CARD10: variants seen among roughly 807,000 people sequenced by gnomAD.
CARD10 encodes caspase recruitment domain family member 10.
A neutral mutation model predicts 114.6 loss-of-function variants in CARD10; 49 were observed. The ratio of observed to expected loss-of-function variants is 0.43; its 90% CI spans 0.34 to 0.54. The LOEUF is 0.54. Ranked by LOEUF, CARD10 falls within the 20% of genes least tolerant of loss-of-function variation. The probability of loss-of-function intolerance (pLI) is 0.03; values close to 1 mark genes in which losing one functional copy is unlikely to be tolerated. For missense variants in CARD10, 1,206 were observed against 1,397.2 expected, an observed-to-expected ratio of 0.86 and a Z score of 2.18; for synonymous variants, 602 against 593.2, an observed-to-expected ratio of 1.01 and a Z score of -0.21.
At chr22:37,513,781 A>G (rs1387678432) in intron 3 of CARD10, among the ~76,000 whole-genome samples, 1 of 152,190 alleles carries the variant, frequency 6.6e-6, no homozygotes, top group African/African-American at 2.4e-5. Flanking sequence ...ACCGCCCCTC[A>G]GCAGTGCTGA....
chr22:37,491,365 C>T lies in CARD10; in HGVS notation c.2893G>A (p.Asp965Asn). Reference sequence around the variant, plus strand: ...CGGCACTGCCGCAGCAGCTCTGAGTCCCGCCAGCCCGGCCGGCCCAGCAGA... The same window carrying T: ...CGGCACTGCCGCAGCAGCTCTGAGTTCCGCCAGCCCGGCCGGCCCAGCAGA... ...RGLLGRPGWRDSELLRQCRGS... is the reference protein window; with the variant it reads ...RGLLGRPGWRNSELLRQCRGS... Residue 965 changes from aspartate to asparagine, a missense_variant, in exon 20 of 20, where the codon GAC (aspartate) becomes AAC (asparagine). Transcript: ENST00000251973. 1 of 1,511,968 alleles carries T rather than the reference C, an allele frequency of 6.6e-7. No homozygotes were observed. Among genetic ancestry groups the T allele is most frequent in the Non-Finnish European group, 8.8e-7 (1 of 1,131,172 alleles). The allele number at this position is 1,511,968 out of a possible 1,614,324, so 93.7% of individuals were successfully genotyped here. A position where few individuals can be genotyped will look rare whatever the true frequency, so the allele number is the denominator to read the frequency against.
intron 7 of CARD10, among the ~76,000 whole-genome samples, chr22:37,505,670 C>T (rs1012701032): frequency 5.3e-5 from 8 of 151,962 alleles, no homozygotes; most frequent in Non-Finnish European, 1.5e-5. Flanking sequence ...AGCAGAGCTC[C>T]CGGCAGCAGC....
In CARD10 at chr22:37,506,267, C is replaced by T. The variant is rs145035525; in HGVS notation, c.1308G>A (p.Thr436=). 2.9e-4 allele frequency: 467 copies of T among 1,608,930 alleles called. 1 individual carries two copies. The African/African-American group carries it at 5.5e-3, about 19-fold the overall frequency. ...LEAERDELLT[T]LTSLEGTKAL... is the part of the protein sequence containing the mutation. ...CCTTGGTGCCCTCCAGGCTGGTGAG[C>T]GTTGTCAGCAGCTCATCCCGCTCCG... Residue 436 remains threonine, a synonymous_variant, in exon 7 of 20, where the codon ACG becomes ACA. Coordinates refer to ENST00000251973, the MANE Select transcript of CARD10 (RefSeq NM_014550.4).
In CARD10 at chr22:37,501,213, T is replaced by C. The variant is rs951603154; in HGVS notation, c.1787+1389A>G. Among the ~76,000 whole-genome samples, 2 of 152,092 alleles carry C rather than the reference T, an allele frequency of 1.3e-5. No individual in the cohort carries two copies. The highest frequency in any genetic ancestry group is 2.9e-5 in the Non-Finnish European group (2 of 67,998). On this transcript the variant is annotated intron_variant, in intron 11 of 19. Coordinates refer to ENST00000251973, the MANE Select transcript of CARD10 (RefSeq NM_014550.4). The surrounding 1 kb of genome is among the most constrained non-coding windows in gnomAD (Gnocchi z 5.4). ...GCCTGTGTTCTTCCCCAGGAACCTC[T>C]CTCCTCCCCAGGAACAGCATGGGCA... is the stretch of plus-strand genomic sequence containing the variant.
Position 37,517,377 on chromosome 22 carries a change from C to T in CARD10, c.373+594G>A, listed in dbSNP as rs138767414. Among the ~76,000 whole-genome samples the T allele has an allele frequency of 5.8e-3, 887 of 152,326 alleles. 8 individuals are homozygous for T. Among genetic ancestry groups the T allele is most frequent in the African/African-American group, 0.02 (850 of 41,570 alleles). On this transcript the variant is annotated intron_variant, in intron 2 of 19. Coordinates refer to ENST00000251973, the MANE Select transcript of CARD10 (RefSeq NM_014550.4). ...ATTCAGCTAGGCGCAGTGGCTCACG[C>T]CTGTAATCCCAGCACTCTGGGAGGC...
In CARD10 at chr22:37,497,096, A is replaced by G. The variant is rs1189414811; in HGVS notation, c.1870T>C (p.Tyr624His). Residue 624 changes from tyrosine to histidine, a missense_variant, in exon 12 of 20, where the codon TAT becomes CAT. Physicochemically the swap from Tyr to His is moderately conservative, Grantham distance 83. Coordinates refer to ENST00000251973, the MANE Select transcript of CARD10 (RefSeq NM_014550.4). The stretch of plus-strand genomic sequence containing the variant: ...ACAGCCCCAGACCATCTGTCCCCAT[A>G]AAACGACAGTCCATCTGGTCCCTTG... ...QDKGPDGLSFYGDRWSGAVVR... is the reference protein window; with the variant it reads ...QDKGPDGLSFHGDRWSGAVVR... 8.1e-6 allele frequency: 13 copies of G among 1,614,218 alleles called. No individual in the cohort carries two copies. Among genetic ancestry groups the G allele is most frequent in the Non-Finnish European group, 1.1e-5 (13 of 1,180,034 alleles).
At chr22:37,508,443 A>C (rs903697060) in intron 5 of CARD10, 84 bp downstream of exon 5, 2 of 1,379,114 alleles carry the variant, frequency 1.5e-6, no homozygotes, top group Admixed American at 2.5e-5. Context: ...GCCTGCGTCA[A>C]GCAGATGCTC....
chr22:37,514,278 T>G (rs949170710), intron 3 of CARD10, among the ~76,000 whole-genome samples: 5 of 151,972 alleles, frequency 3.3e-5, no homozygotes, highest in Admixed American at 3.3e-4. Flanking sequence ...GAGGATGGTA[T>G]CTATAAAGCA....
intron 8 of CARD10, 127 bp from the exon 9 acceptor site, chr22:37,504,428 A>T: frequency 2.8e-6 from 3 of 1,069,538 alleles, no homozygotes; most frequent in Non-Finnish European, 4.0e-6. Context: ...GGGCTCTGCA[A>T]GATTATAGTG....
rs1412844096 is a variant in CARD10 at position 37,511,738 on chromosome 22, T to C, written c.700-1317A>G. Among the ~76,000 whole-genome samples, 11 of 151,992 alleles carry C rather than the reference T, an allele frequency of 7.2e-5. No individual in the cohort carries two copies. In the East Asian group the frequency reaches 1.7e-3, roughly 24 times the overall value. On this transcript the variant is annotated intron_variant, in intron 3 of 19. Coordinates refer to ENST00000251973, the MANE Select transcript of CARD10 (RefSeq NM_014550.4). ...AGATGCTCCCCGCAACAAGCCAACA[T>C]CTCACCTCAACACACTCTCAGAGAC...
At chr22:37,499,091 C>A (rs1184485612) in intron 11 of CARD10, among the ~76,000 whole-genome samples, 2 of 152,100 alleles carry the variant, frequency 1.3e-5, no homozygotes, top group East Asian at 3.9e-4. Context: ...TCCCGCCACC[C>A]CAGGTAAATC....
chr22:37,511,073 CTCTG>C, intron 3 of CARD10, among the ~76,000 whole-genome samples: 1 of 124,530 alleles, frequency 8.0e-6, no homozygotes, highest in African/African-American at 3.6e-5. Flanking sequence ...CAGAGCAAGA[CTCTG>C]TCTCAAAAAA....
intron 7 of CARD10, 65 bp downstream of exon 7, chr22:37,506,127 G>A: frequency 1.5e-6 from 2 of 1,327,518 alleles, no homozygotes; most frequent in South Asian, 1.7e-5. Context: ...TCCCAGCCCT[G>A]GCCAAGAGCT....
chr22:37,501,598 G>A lies in CARD10; in HGVS notation c.1787+1004C>T, dbSNP rs567838469. Among the ~76,000 whole-genome samples, 3 of 152,292 alleles carry A rather than the reference G, an allele frequency of 2.0e-5. No individual in the cohort carries two copies. Among genetic ancestry groups the A allele is most frequent in the South Asian group, 2.1e-4 (1 of 4,826 alleles). ...GCACCCAACACCTCCACATTCCAGC[G>A]CTGACAGTCCATGTTTCCTATGCCC... On this transcript the variant is annotated intron_variant, in intron 11 of 19. Coordinates refer to ENST00000251973, the MANE Select transcript of CARD10 (RefSeq NM_014550.4). The surrounding 1 kb of genome is among the most constrained non-coding windows in gnomAD (Gnocchi z 5.4).
chr22:37,511,445 A>AAGAAGGAGG (rs1569167115), intron 3 of CARD10, among the ~76,000 whole-genome samples: 1 of 135,200 alleles, frequency 7.4e-6, no homozygotes, highest in African/African-American at 2.8e-5. Flanking sequence ...GTAGAAGGAG[A>AAGAAGGAGG]AGGAGGAGGA....
In CARD10 at chr22:37,496,429, G is replaced by A. The variant is rs375211837; in HGVS notation, c.2059+20C>T. On this transcript the variant is annotated intron_variant, in intron 13 of 19. Transcript: ENST00000251973. The surrounding 1 kb of genome is among the most constrained non-coding windows in gnomAD (Gnocchi z 4.1). Reference sequence around the variant, plus strand: ...GGACCCCTCTGGGGCCAACAGCTCCGACTCCCAAGCCAGACTTACCCTTCG... The same window carrying A: ...GGACCCCTCTGGGGCCAACAGCTCCAACTCCCAAGCCAGACTTACCCTTCG... The A allele has an allele frequency of 3.5e-4, 551 of 1,575,954 alleles. 1 individual carries two copies. The highest frequency in any genetic ancestry group is 4.4e-4 in the Non-Finnish European group (504 of 1,147,232).
At chr22:37,518,200 G>T in intron 1 of CARD10, 92 bp from the exon 2 acceptor site, 1 of 1,324,390 alleles carries the variant, frequency 7.6e-7, no homozygotes. Context: ...CCAGGCCCAC[G>T]TTCCCCAGAT....
At chr22:37,512,595 A>T (rs1923701624) in intron 3 of CARD10, among the ~76,000 whole-genome samples, 1 of 152,038 alleles carries the variant, frequency 6.6e-6, no homozygotes. Context: ...ACTCAGAAAG[A>T]AATTCATGAC....
rs118054868 is a variant in CARD10 at position 37,510,410 on chromosome 22, G to A, written c.711C>T (p.Leu237=). Residue 237 remains leucine (L), a synonymous_variant, in exon 4 of 20, where the codon CTC becomes CTT. Transcript: ENST00000251973. Reference sequence around the variant, plus strand: ...CCTCCAGCCGACTCACTTTGAGCTTGAGCTGATCCACCTGGAGCCCAAGAC... The same window carrying A: ...CCTCCAGCCGACTCACTTTGAGCTTAAGCTGATCCACCTGGAGCCCAAGAC... The part of the protein sequence containing the change: ...SRDLQLAVDQ[L]KLKVSRLEEE... 5.8e-4 allele frequency: 942 copies of A among 1,613,642 alleles called. 10 individuals carry two copies. The East Asian group carries it at 0.018, about 31-fold the overall frequency.
Sources: allele counts gnomAD v4.1 joint callset (sites outside exome capture counted in the v4.1 genomes callset), GRCh38; gene constraint gnomAD v4.1.1; non-coding constraint Gnocchi (gnomAD v3.1); transcripts MANE v1.5; gene names NCBI Gene and HGNC (gene_info 2026-07-23, HGNC 2026-07-21).